FRMD4A: variants seen among roughly 807,000 people sequenced by gnomAD.
FRMD4A encodes the protein FERM domain-containing protein 4A.
Under a neutral mutation model 129.1 loss-of-function variants are expected in FRMD4A, and 29 were observed. The ratio of observed to expected loss-of-function variants is 0.22; its 90% CI spans 0.17 to 0.31. The LOEUF is 0.31. Among genes scored for constraint, FRMD4A ranks in the 10% least tolerant of loss-of-function variants. FRMD4A has a pLI of 1.00. For synonymous variants in FRMD4A, 634 were observed against 571.6 expected (o/e 1.11, Z -1.56); for missense variants, 1,272 against 1,375.8 (o/e 0.92, Z 1.19).
intron 3 of FRMD4A, among the ~76,000 whole-genome samples, chr10:13,832,128 C>T (rs566502981): frequency 2.6e-5 from 4 of 151,852 alleles, no homozygotes; most frequent in Middle Eastern, 3.4e-3. Flanking sequence ...ATGAATTACA[C>T]CAAGAGAACC....
intron 9 of FRMD4A, among the ~76,000 whole-genome samples, chr10:13,742,629 G>T (rs1468760894): frequency 6.6e-6 from 1 of 152,168 alleles, no homozygotes; most frequent in Non-Finnish European, 1.5e-5. Context: ...CAATTATCCT[G>T]CCTCAGTCTT....
rs188135579 is a variant in FRMD4A at position 14,223,160 on chromosome 10, C to T, written c.45+106898G>A. On this transcript the variant is annotated intron_variant, in intron 2 of 24. Transcript: ENST00000357447. Reference sequence around the variant, plus strand: ...CAGCCACTGGCCTAGTGATTCTCACCTCCCCTGAGATGCAGACTTCTAGGG... The same window carrying T: ...CAGCCACTGGCCTAGTGATTCTCACTTCCCCTGAGATGCAGACTTCTAGGG... 6.8e-4 allele frequency among the ~76,000 whole-genome samples: 104 copies of T among 152,276 alleles called. No homozygotes were observed. The East Asian group carries it at 0.019, about 27-fold the overall frequency.
chr10:14,034,801 C>G (rs574948569), intron 2 of FRMD4A, among the ~76,000 whole-genome samples: 2 of 152,280 alleles, frequency 1.3e-5, no homozygotes, highest in Non-Finnish European at 2.9e-5. Flanking sequence ...CAGGCCGTCC[C>G]TAGAAGAGAA....
At chr10:14,146,022 C>T (rs531653316) in intron 2 of FRMD4A, among the ~76,000 whole-genome samples, 84 of 152,280 alleles carry the variant, frequency 5.5e-4, no homozygotes, top group Non-Finnish European at 8.7e-4. Context: ...TCATTGCAAA[C>T]GGCTTAGTGG....
chr10:14,048,814 ATAGAATAGAT>A (rs534096274), intron 2 of FRMD4A, among the ~76,000 whole-genome samples: 13 of 132,090 alleles, frequency 9.8e-5, no homozygotes, highest in African/African-American at 3.3e-4. Context: ...CTCAAATAAA[ATAGAATAGAT>A]TAGAATAGAA....
At chr10:14,143,728 C>T (rs770285543) in intron 2 of FRMD4A, among the ~76,000 whole-genome samples, 1 of 152,134 alleles carries the variant, frequency 6.6e-6, no homozygotes, top group Non-Finnish European at 1.5e-5. Context: ...AATTCTCCTG[C>T]CTCAGCCTCC....
chr10:14,211,488 A>G (rs1038791314), intron 2 of FRMD4A, among the ~76,000 whole-genome samples: 7 of 152,204 alleles, frequency 4.6e-5, no homozygotes, highest in Admixed American at 6.5e-5. Context: ...AGGTTCAGGT[A>G]TTTCTACAGA....
At chr10:14,278,203 G>C (rs578217195) in intron 2 of FRMD4A, among the ~76,000 whole-genome samples, 1 of 152,182 alleles carries the variant, frequency 6.6e-6, no homozygotes, top group Admixed American at 6.5e-5. Flanking sequence ...CAGTAACTGA[G>C]TCCAAGGAAC....
chr10:14,177,035 C>A (rs950663251), intron 2 of FRMD4A, among the ~76,000 whole-genome samples: 2 of 152,142 alleles, frequency 1.3e-5, no homozygotes, highest in Non-Finnish European at 2.9e-5. Context: ...TAAGCTGCAT[C>A]CATTATTTGC....
At chr10:14,270,296 TAA>T (rs1162608129) in intron 2 of FRMD4A, among the ~76,000 whole-genome samples, 1 of 152,222 alleles carries the variant, frequency 6.6e-6, no homozygotes, top group African/African-American at 2.4e-5. Context: ...TCTCTCTCCC[TAA>T]ATAGTTATCA....
chr10:13,681,572 ATATGTG>A (rs1347538312), intron 15 of FRMD4A, among the ~76,000 whole-genome samples: 1 of 148,424 alleles, frequency 6.7e-6, no homozygotes, highest in African/African-American at 2.6e-5. Flanking sequence ...GTATATATGT[ATATGTG>A]TATATATATA....
At chr10:13,801,454 G>A (rs911922102) in intron 4 of FRMD4A, among the ~76,000 whole-genome samples, 9 of 152,220 alleles carry the variant, frequency 5.9e-5, no homozygotes, top group African/African-American at 2.2e-4. Context: ...AGCTCCAGTG[G>A]CTAATGGAGA....
chr10:13,750,884 T>C (rs2091589000), intron 8 of FRMD4A, among the ~76,000 whole-genome samples: 1 of 152,184 alleles, frequency 6.6e-6, no homozygotes, highest in Admixed American at 6.5e-5. Context: ...TATAAAGGCA[T>C]AGTTTCAGCA....
chr10:14,100,892 C>G (rs1837267072), intron 2 of FRMD4A, among the ~76,000 whole-genome samples: 1 of 152,082 alleles, frequency 6.6e-6, no homozygotes, highest in Non-Finnish European at 1.5e-5. Context: ...GTGTTAGATA[C>G]AGTTTTAACT....
chr10:13,652,211 A>G (rs1186773012), intron 23 of FRMD4A: 1 of 573,520 alleles, frequency 1.7e-6, no homozygotes, highest in Non-Finnish European at 3.1e-6. Flanking sequence ...CTCATTTTGT[A>G]TCACATCATA....
intron 24 of FRMD4A, among the ~76,000 whole-genome samples, chr10:13,649,902 A>C (rs1260843562): frequency 6.6e-6 from 1 of 152,240 alleles, no homozygotes; most frequent in Non-Finnish European, 1.5e-5. Context: ...CATTCACTGG[A>C]ACATGAGCTG....
chr10:14,008,162 CTGTGTGTGTGTGTGTGTG>C lies in FRMD4A; in HGVS notation c.46-149268_46-149251del, dbSNP rs752913059. ...CAGCCTGAACCACCATGGTGTACAG[CTGTGTGTGTGTGTGTGTG>C]TGTGTGTGTGTGTGTGTGTGTGTGT... On this transcript the variant is annotated intron_variant, in intron 2 of 24. Transcript: ENST00000357447. 4.8e-5 allele frequency: 30 copies of C among 630,170 alleles called. No individual in the cohort carries two copies. The East Asian group carries it at 4.9e-4, about 10-fold the overall frequency. The allele number at this position is 630,170 out of a possible 1,614,324, so 39.0% of individuals were successfully genotyped here.
At chr10:14,104,427 A>G (rs1353316498) in intron 2 of FRMD4A, among the ~76,000 whole-genome samples, 1 of 152,196 alleles carries the variant, frequency 6.6e-6, no homozygotes, top group Non-Finnish European at 1.5e-5. Context: ...TGCGCATATA[A>G]TTGCTCAAGT....
intron 4 of FRMD4A, among the ~76,000 whole-genome samples, chr10:13,806,415 C>A (rs1458298067): frequency 6.6e-6 from 1 of 152,012 alleles, no homozygotes; most frequent in African/African-American, 2.4e-5. Context: ...TCTCAGTTAC[C>A]CTATTTGTAC....
Sources: gnomAD v4.1 joint callset for allele counts (sites outside exome capture counted in the v4.1 genomes callset) on GRCh38, gnomAD v4.1.1 for gene constraint, MANE v1.5 for transcripts, NCBI Gene and HGNC (gene_info 2026-07-23, HGNC 2026-07-21) for gene names.